The following CAST variants were observed in gnomAD, a reference collection of about 807,000 sequenced individuals.
CAST encodes MIR583 host.
In CAST, 76 loss-of-function variants were observed where a neutral mutation model predicts 119.6. That is an observed-to-expected ratio of 0.64 (90% CI 0.53 to 0.77). The LOEUF is 0.77. Ranked by LOEUF, CAST falls within the 30% of genes least tolerant of loss-of-function variation. CAST has a pLI of 0.00. For synonymous variants in CAST, 319 were observed against 331.6 expected, an observed-to-expected ratio of 0.96 and a Z score of 0.41; for missense variants, 953 against 946.5, an observed-to-expected ratio of 1.01 and a Z score of -0.09.
At chr5:96,248,776 C>A in the CAST span, among the ~76,000 whole-genome samples, 1 of 152,124 alleles carries the variant, frequency 6.6e-6, no homozygotes, top group Non-Finnish European at 1.5e-5. Flanking sequence ...TAGCAAAGTT[C>A]TAAGAGAAAA....
intron 1 of CAST, among the ~76,000 whole-genome samples, chr5:96,568,293 G>C (rs144196152): frequency 6.6e-6 from 1 of 152,038 alleles, no homozygotes; most frequent in Admixed American, 6.6e-5. Flanking sequence ...GGCCGGACAC[G>C]GTGGCTCACG....
chr5:96,711,669 C>A (rs1376884680), intron 3 of CAST, among the ~76,000 whole-genome samples: 1 of 152,268 alleles, frequency 6.6e-6, no homozygotes, highest in African/African-American at 2.4e-5. Flanking sequence ...TTCTAAAATT[C>A]TTTTCAGCAG....
At chr5:96,408,418 A>G in the CAST span, 9,406 of 839,408 alleles carry the variant, frequency 0.011, 609 homozygotes, top group African/African-American at 0.14. Context: ...TGCATCTGCT[A>G]TGACCAGGAA....
the CAST span, among the ~76,000 whole-genome samples, chr5:96,322,830 C>G: frequency 1.3e-5 from 2 of 152,106 alleles, no homozygotes; most frequent in African/African-American, 4.8e-5. Context: ...AAATGCTTTC[C>G]CCCAACTCCA....
chr5:96,225,708 G>A, the CAST span, among the ~76,000 whole-genome samples: 2 of 152,110 alleles, frequency 1.3e-5, no homozygotes, highest in Non-Finnish European at 2.9e-5. Context: ...CTGAGTCTTT[G>A]TAGATCTAAC....
At chr5:96,280,698 A>G in the CAST span, among the ~76,000 whole-genome samples, 3 of 152,212 alleles carry the variant, frequency 2.0e-5, no homozygotes, top group Non-Finnish European at 4.4e-5. Context: ...TTCATGAACT[A>G]TGAACCACTT....
chr5:96,621,610 G>A (rs1189261187), intron 1 of CAST, among the ~76,000 whole-genome samples: 1 of 152,190 alleles, frequency 6.6e-6, no homozygotes, highest in Non-Finnish European at 1.5e-5. Context: ...AGAACAGCAT[G>A]AAGGAAACTG....
At chr5:96,056,459 T>C in the CAST span, among the ~76,000 whole-genome samples, 1 of 152,192 alleles carries the variant, frequency 6.6e-6, no homozygotes, top group African/African-American at 2.4e-5. Context: ...ACGAACTGGC[T>C]CCAAAGACCT....
chr5:95,968,667 T>C, the CAST span, among the ~76,000 whole-genome samples: 2 of 152,202 alleles, frequency 1.3e-5, no homozygotes, highest in African/African-American at 2.4e-5. Context: ...TTCTTTGTTT[T>C]GACTTAGAAT....
chr5:96,770,339 CT>C, intron 29 of CAST, 191 bp from the exon 30 acceptor site: 7 of 544,160 alleles, frequency 1.3e-5, no homozygotes, highest in Non-Finnish European at 1.3e-5. Flanking sequence ...TATTTCTATC[CT>C]TTTTCCCTCC....
chr5:96,251,578 C>T, the CAST span, among the ~76,000 whole-genome samples: 1 of 151,938 alleles, frequency 6.6e-6, no homozygotes, highest in African/African-American at 2.4e-5. Flanking sequence ...TGGAAATTTG[C>T]ACCTGGTCTC....
intron 20 of CAST, among the ~76,000 whole-genome samples, chr5:96,752,961 TAC>T (rs112835890): frequency 0.091 from 13,095 of 143,126 alleles, 809 homozygotes; most frequent in East Asian, 0.21. Flanking sequence ...ATGCATTTTA[TAC>T]ACACACACAC....
the CAST span, among the ~76,000 whole-genome samples, chr5:96,358,791 C>G: frequency 6.6e-6 from 1 of 152,188 alleles, no homozygotes; most frequent in Non-Finnish European, 1.5e-5. Context: ...GTGGTGCTGA[C>G]AAGAATATAT....
At chr5:96,234,997 G>T in the CAST span, among the ~76,000 whole-genome samples, 6 of 152,120 alleles carry the variant, frequency 3.9e-5, no homozygotes. Flanking sequence ...TGGGAACTTC[G>T]TTACCTGAAT....
the CAST span, among the ~76,000 whole-genome samples, chr5:96,313,314 C>A: frequency 6.6e-6 from 1 of 152,150 alleles, no homozygotes; most frequent in African/African-American, 2.4e-5. Context: ...TTTATTTCCT[C>A]ATGACCCTTT....
At chr5:96,231,068 TTGGCAGTTTCTCAAAA>T in the CAST span, among the ~76,000 whole-genome samples, 1 of 152,100 alleles carries the variant, frequency 6.6e-6, no homozygotes, top group Non-Finnish European at 1.5e-5. Flanking sequence ...GGAAAACAGT[TTGGCAGTTTCTCAAAA>T]TGGTAAACAT....
chr5:96,204,963 C>T, the CAST span, among the ~76,000 whole-genome samples: 1 of 152,060 alleles, frequency 6.6e-6, no homozygotes, highest in East Asian at 1.9e-4. Context: ...TTCTTTTTTA[C>T]ATTTCCTTTC....
upstream of CAST, among the ~76,000 whole-genome samples, chr5:96,524,969 G>T (rs1287026752): frequency 1.3e-5 from 2 of 152,208 alleles, no homozygotes; most frequent in Non-Finnish European, 2.9e-5. Context: ...AAGTGGGAAT[G>T]ATATTGATTA....
At chr5:96,703,337 C>G (rs760531175) in intron 3 of CAST, among the ~76,000 whole-genome samples, 2 of 152,160 alleles carry the variant, frequency 1.3e-5, no homozygotes, top group African/African-American at 4.8e-5. Flanking sequence ...CCTCCCCAGC[C>G]GTGCCGCCAC....
Sources: allele counts gnomAD v4.1 joint callset (sites outside exome capture counted in the v4.1 genomes callset), GRCh38; gene constraint gnomAD v4.1.1; transcripts MANE v1.5; gene names NCBI Gene and HGNC (gene_info 2026-07-23, HGNC 2026-07-21).